The following GPR180 variants were observed in gnomAD, a reference collection of about 807,000 sequenced individuals.
GPR180 encodes the protein G protein-coupled receptor 180, also known as integral membrane protein GPR180.
A neutral mutation model predicts 52.6 loss-of-function variants in GPR180; 53 were observed. The ratio of observed to expected loss-of-function variants is 1.01; its 90% CI spans 0.81 to 1.27. The LOEUF is 1.27. Among genes scored for constraint, GPR180 ranks in the 50% most tolerant of loss-of-function variants. GPR180 has a pLI of 0.00. For synonymous variants in GPR180, 200 were observed against 193.1 expected, an observed-to-expected ratio of 1.04 and a Z score of -0.30; for missense variants, 533 against 527.0, an observed-to-expected ratio of 1.01 and a Z score of -0.11.
At chr13:94,622,984 A>T (rs1889870981) in intron 6 of GPR180, 125 bp from the exon 7 acceptor site, 1 of 662,032 alleles carries the variant, frequency 1.5e-6, no homozygotes, top group African/African-American at 1.8e-5. Context: ...ATTAATTAAC[A>T]ACCTCTATGG....
chr13:94,610,303 G>GT (rs1889686560), intron 2 of GPR180, among the ~76,000 whole-genome samples: 2 of 151,976 alleles, frequency 1.3e-5, no homozygotes, highest in African/African-American at 4.8e-5. Flanking sequence ...TATTAAAAAT[G>GT]TTTTTTTCTA....
At position 94,625,956 on chromosome 13, in the gene GPR180, T is replaced by C; in HGVS notation, c.1087-10T>C. The C allele has an allele frequency of 6.2e-7, 1 of 1,606,480 alleles. No individual in the cohort carries two copies. The highest frequency in any genetic ancestry group is 8.5e-7 in the Non-Finnish European group (1 of 1,174,834). On this transcript the variant is annotated splice_polypyrimidine_tract_variant and intron_variant, in intron 7 of 8. Transcript: ENST00000376958. ...CAGTTCTACTTATTTCACTTTTTCC[T>C]TTGTTTCAGGGCTGTATCTTGTGGT... is the stretch of plus-strand genomic sequence containing the variant.
At chr13:94,603,862 G>A (rs2139562350) in intron 1 of GPR180, among the ~76,000 whole-genome samples, 1 of 152,242 alleles carries the variant, frequency 6.6e-6, no homozygotes, top group East Asian at 1.9e-4. Flanking sequence ...TCTGTTCTGG[G>A]CCTTAAATGT....
Position 94,631,396 on chromosome 13 carries a change from T to C in GPR180, c.*4225T>C, listed in dbSNP as rs762726343. On this transcript the variant is annotated 3_prime_UTR_variant, in exon 9 of 9. Coordinates refer to ENST00000376958, the MANE Select transcript of GPR180 (RefSeq NM_180989.6). ...TATTTTGAATATTAAGATATGTGTA[T>C]GTGTATTAGATCCTAGTGGTTCTTT... 3 of 151,978 alleles carry C rather than the reference T, an allele frequency of 2.0e-5. No individual in the cohort carries two copies. The highest frequency in any genetic ancestry group is 2.1e-4 in the South Asian group (1 of 4,796). 9.4% of individuals were successfully genotyped at this position (151,978 alleles called of 1,614,324 possible). A position where few individuals can be genotyped will look rare whatever the true frequency, so the allele number is the denominator to read the frequency against.
At chr13:94,617,729 G>A (rs1410924244) in intron 3 of GPR180, among the ~76,000 whole-genome samples, 1 of 152,058 alleles carries the variant, frequency 6.6e-6, no homozygotes, top group Non-Finnish European at 1.5e-5. Flanking sequence ...TTCTCTGACT[G>A]TTAATTGGAG....
chr13:94,609,583 A>G (rs986202069), intron 2 of GPR180, among the ~76,000 whole-genome samples: 4 of 152,294 alleles, frequency 2.6e-5, no homozygotes, highest in African/African-American at 9.6e-5. Context: ...ATGGCAACAC[A>G]GCAGAGCCTT....
In GPR180 at chr13:94,626,061, T is replaced by C; in HGVS notation, c.1164+18T>C. The C allele has an allele frequency of 1.3e-6, 2 of 1,524,296 alleles. No individual in the cohort carries two copies. The highest frequency in any genetic ancestry group is 1.8e-6 in the Non-Finnish European group (2 of 1,101,278). The allele number at this position is 1,524,296 out of a possible 1,614,324, so 94.4% of individuals were successfully genotyped here. On this transcript the variant is annotated intron_variant, in intron 8 of 8. Transcript: ENST00000376958. ...GAGACAAGGTAAGAAATATACATGATCAAAGTAGTTTTCTTAATGAAAATA... is the reference window on the plus strand; with the variant it reads ...GAGACAAGGTAAGAAATATACATGACCAAAGTAGTTTTCTTAATGAAAATA...
At position 94,629,679 on chromosome 13, in the gene GPR180, T is replaced by C. The variant is rs1332366158; in HGVS notation, c.*2508T>C. ...GATTTGAACATTAAAACTGGAATTG[T>C]GCTAAAATCAGAACATGCGCTTGAA... is the stretch of plus-strand genomic sequence containing the variant. On this transcript the variant is annotated 3_prime_UTR_variant, in exon 9 of 9. Coordinates refer to ENST00000376958, the MANE Select transcript of GPR180 (RefSeq NM_180989.6). The C allele has an allele frequency of 1.3e-5, 2 of 152,240 alleles. No homozygotes were observed. The highest frequency in any genetic ancestry group is 1.3e-4 in the Admixed American group (2 of 15,290). 9.4% of individuals were successfully genotyped at this position (152,240 alleles called of 1,614,324 possible).
chr13:94,620,051 C>G (rs1216856315), intron 5 of GPR180, among the ~76,000 whole-genome samples: 1 of 152,154 alleles, frequency 6.6e-6, no homozygotes, highest in Non-Finnish European at 1.5e-5. Context: ...TATTTATATA[C>G]ATTCTCTCAT....
Position 94,612,301 on chromosome 13 carries a change from C to A in GPR180, c.416C>A (p.Ser139Tyr). The A allele has an allele frequency of 1.2e-6, 2 of 1,613,834 alleles. No individual in the cohort carries two copies. Among genetic ancestry groups the A allele is most frequent in the Non-Finnish European group, 1.7e-6 (2 of 1,179,750 alleles). Residue 139 changes from serine (S) to tyrosine (Y), a missense_variant, in exon 3 of 9, where the codon TCT becomes TAT. Coordinates refer to ENST00000376958, the MANE Select transcript of GPR180 (RefSeq NM_180989.6). Reference sequence around the variant, plus strand: ...ACATGCCAAGATGACAAGGAGAATTCTCAGGTGGAAGATATCCCATTTGAA... The same window carrying A: ...ACATGCCAAGATGACAAGGAGAATTATCAGGTGGAAGATATCCCATTTGAA... ...KYTCQDDKENSQVEDIPFEMV... is the reference protein window; with the variant it reads ...KYTCQDDKENYQVEDIPFEMV...
chr13:94,601,871 G>A lies in GPR180; in HGVS notation c.-57G>A. The A allele has an allele frequency of 7.5e-7, 1 of 1,333,370 alleles. No individual in the cohort carries two copies. The highest frequency in any genetic ancestry group is 9.6e-7 in the Non-Finnish European group (1 of 1,041,210). The allele number at this position is 1,333,370 out of a possible 1,614,324, so 82.6% of individuals were successfully genotyped here. The stretch of plus-strand genomic sequence containing the variant: ...CCGCCTCCCCCAGCTGCCGACGTGG[G>A]GCGGGCAGCCGCCGGCGGCTGGGAG... On this transcript the variant is annotated 5_prime_UTR_variant, in exon 1 of 9. Transcript: ENST00000376958.
Position 94,633,847 on chromosome 13 carries a change from C to A in GPR180, c.*6676C>A, listed in dbSNP as rs1269579050. ...GTTTTATTTTGTATGTTTTTTTCAT[C>A]CACCTGGAATTTATTTTGCTGTTAA... is the stretch of plus-strand genomic sequence containing the variant. On this transcript the variant is annotated 3_prime_UTR_variant, in exon 9 of 9. Transcript: ENST00000376958. The A allele has an allele frequency of 6.6e-6, 1 of 151,380 alleles. No homozygotes were observed. Among genetic ancestry groups the A allele is most frequent in the African/African-American group, 2.4e-5 (1 of 41,114 alleles). The allele number at this position is 151,380 out of a possible 1,614,324, so 9.4% of individuals were successfully genotyped here.
rs887959810 is a variant in GPR180, at chr13:94,633,851, C to T, written c.*6680C>T. 6.6e-6 allele frequency: 1 copy of T among 151,616 alleles called. No individual in the cohort carries two copies. The highest frequency in any genetic ancestry group is 1.5e-5 in the Non-Finnish European group (1 of 67,946). The allele number at this position is 151,616 out of a possible 1,614,324, so 9.4% of individuals were successfully genotyped here. A position where few individuals can be genotyped will look rare whatever the true frequency, so the allele number is the denominator to read the frequency against. On this transcript the variant is annotated 3_prime_UTR_variant, in exon 9 of 9. Coordinates refer to ENST00000376958, the MANE Select transcript of GPR180 (RefSeq NM_180989.6). ...TATTTTGTATGTTTTTTTCATCCAC[C>T]TGGAATTTATTTTGCTGTTAAAATA...
chr13:94,613,867 CTT>C (rs770192473), intron 3 of GPR180, among the ~76,000 whole-genome samples: 5 of 133,816 alleles, frequency 3.7e-5, no homozygotes, highest in Admixed American at 7.5e-5. Context: ...TCCTCAGGTC[CTT>C]TTTTTTTTTT....
chr13:94,623,904 T>G (rs1447922801), intron 7 of GPR180, among the ~76,000 whole-genome samples: 1 of 152,168 alleles, frequency 6.6e-6, no homozygotes, highest in Non-Finnish European at 1.5e-5. Context: ...ATACCAGAAT[T>G]TTAAATTTTT....
intron 2 of GPR180, among the ~76,000 whole-genome samples, chr13:94,605,758 T>A (rs554661829): frequency 1.3e-5 from 2 of 152,356 alleles, no homozygotes; most frequent in South Asian, 2.1e-4. Flanking sequence ...AGATAATTTA[T>A]ATAGGAGTCC....
intron 3 of GPR180, among the ~76,000 whole-genome samples, chr13:94,618,289 A>G (rs1401600346): frequency 6.6e-6 from 1 of 152,136 alleles, no homozygotes; most frequent in Non-Finnish European, 1.5e-5. Flanking sequence ...TTGATCTACT[A>G]AGAGAAGATG....
chr13:94,633,161 C>G lies in GPR180; in HGVS notation c.*5990C>G, dbSNP rs1331752873. Reference sequence around the variant, plus strand: ...AGAACCTGAAGGTATTGTGGGGACCCCTGAACTTGCAGCCAGTTGGTCAGA... The same window carrying G: ...AGAACCTGAAGGTATTGTGGGGACCGCTGAACTTGCAGCCAGTTGGTCAGA... On this transcript the variant is annotated 3_prime_UTR_variant, in exon 9 of 9. Transcript: ENST00000376958. The G allele has an allele frequency of 1.3e-5, 2 of 152,110 alleles. No homozygotes were observed. Among genetic ancestry groups the G allele is most frequent in the Non-Finnish European group, 2.9e-5 (2 of 68,048 alleles). 9.4% of individuals were successfully genotyped at this position (152,110 alleles called of 1,614,324 possible). A position where few individuals can be genotyped will look rare whatever the true frequency, so the allele number is the denominator to read the frequency against.
chr13:94,621,911 T>C (rs1053091486), intron 6 of GPR180, among the ~76,000 whole-genome samples: 1 of 152,156 alleles, frequency 6.6e-6, no homozygotes, highest in African/African-American at 2.4e-5. Context: ...AAATTTGTAC[T>C]GAGTTTTTGA....
Sources: gnomAD v4.1 joint callset for allele counts (sites outside exome capture counted in the v4.1 genomes callset) on GRCh38, gnomAD v4.1.1 for gene constraint, MANE v1.5 for transcripts, NCBI Gene and HGNC (gene_info 2026-07-23, HGNC 2026-07-21) for gene names.